Variants in HGSNAT observed in about 807,000 individuals in gnomAD.
HGSNAT encodes heparan-alpha-glucosaminide N-acetyltransferase, also known as transmembrane protein 76.
A neutral mutation model predicts 85.2 loss-of-function variants in HGSNAT; 59 were observed. That is an observed-to-expected ratio of 0.69 (90% CI 0.56 to 0.86). HGSNAT has a LOEUF of 0.86. Among genes scored for constraint, HGSNAT ranks in the 40% least tolerant of loss-of-function variants. The pLI, the probability that HGSNAT is intolerant of heterozygous loss-of-function variation, is 0.00. For missense variants in HGSNAT, 756 were observed against 777.1 expected, an observed-to-expected ratio of 0.97 and a Z score of 0.32; for synonymous variants, 321 against 304.5, an observed-to-expected ratio of 1.05 and a Z score of -0.56.
At chr8:43,197,974 A>G in intron 17 of HGSNAT, 22 bp downstream of exon 17, 2 of 1,542,816 alleles carry the variant, frequency 1.3e-6, no homozygotes, top group East Asian at 4.5e-5. Context: ...CCAACCTCAA[A>G]CAGAGCTGGG....
intron 5 of HGSNAT, chr8:43,167,814 C>T (rs1434083293): frequency 5.2e-6 from 1 of 191,742 alleles, no homozygotes; most frequent in African/African-American, 2.4e-5. Flanking sequence ...CAAAAGATTT[C>T]TTCCCAGGTA....
chr8:43,168,541 C>T lies in HGSNAT; in HGVS notation c.564-632C>T, dbSNP rs148538450. 4.4e-3 allele frequency among the ~76,000 whole-genome samples: 668 copies of T among 151,740 alleles called. 8 individuals are homozygous for T. Among genetic ancestry groups the T allele is most frequent in the African/African-American group, 0.015 (636 of 41,386 alleles). On this transcript the variant is annotated intron_variant, in intron 5 of 17. Transcript: ENST00000379644. Reference sequence around the variant, plus strand: ...CCTCCTGAGTAGCTGGGATTACAGGCGTGTACCACCACATCTGGCTAATTT... The same window carrying T: ...CCTCCTGAGTAGCTGGGATTACAGGTGTGTACCACCACATCTGGCTAATTT...
intron 14 of HGSNAT, among the ~76,000 whole-genome samples, chr8:43,194,946 A>C (rs1438387046): frequency 6.6e-6 from 1 of 152,122 alleles, no homozygotes; most frequent in Non-Finnish European, 1.5e-5. Flanking sequence ...GAGAAATAAA[A>C]TTCTGTTTTT....
chr8:43,199,422 G>T lies in HGSNAT; in HGVS notation c.1761G>T (p.Glu587Asp). The change falls in exon 18 of 18, where the codon GAG (glutamate) becomes GAT (aspartate). Residue 587 changes from glutamate (E) to aspartate (D), a missense_variant. Coordinates refer to ENST00000379644, the MANE Select transcript of HGSNAT (RefSeq NM_152419.3). ...CCATTCTGGTATATGTCGGCCACGAGGTGTTTGAGAACTACTTCCCCTTTC... is the reference window on the plus strand; with the variant it reads ...CCATTCTGGTATATGTCGGCCACGATGTGTTTGAGAACTACTTCCCCTTTC... ...MNSILVYVGH[E>D]VFENYFPFQW... 6.2e-7 allele frequency: 1 copy of T among 1,608,156 alleles called. No individual in the cohort carries two copies. The highest frequency in any genetic ancestry group is 8.5e-7 in the Non-Finnish European group (1 of 1,177,086).
intron 12 of HGSNAT, 90 bp from the exon 13 acceptor site, chr8:43,192,214 C>T (rs1804557770): frequency 7.0e-7 from 1 of 1,430,038 alleles, no homozygotes; most frequent in African/African-American, 1.4e-5. Flanking sequence ...AGGCGTGAGC[C>T]ACCGTGCCCG....
intron 5 of HGSNAT, among the ~76,000 whole-genome samples, chr8:43,164,350 G>A (rs1012228555): frequency 4.6e-5 from 7 of 152,130 alleles, no homozygotes; most frequent in South Asian, 2.1e-4. Context: ...TTGAAGGTTC[G>A]TGGCAACCCT....
chr8:43,140,727 GC>G, intron 1 of HGSNAT, 113 bp downstream of exon 1: 1 of 367,552 alleles, frequency 2.7e-6, no homozygotes, highest in South Asian at 9.2e-5. Context: ...GGCCGGAACC[GC>G]CCCCGTGGCC....
chr8:43,195,655 T>TGGAGGAGGAGGAGGGAATAGA (rs144111342), intron 14 of HGSNAT, among the ~76,000 whole-genome samples: 1 of 67,560 alleles, frequency 1.5e-5, no homozygotes, highest in Non-Finnish European at 2.7e-5. Context: ...GAGGAGGGGC[T>TGGAGGAGGAGGAGGGAATAGA]GGAGGAGGAG....
chr8:43,152,596 G>A lies in HGSNAT; in HGVS notation c.234+5533G>A, dbSNP rs563761678. 5.9e-5 allele frequency among the ~76,000 whole-genome samples: 9 copies of A among 152,152 alleles called. No homozygotes were observed. In the South Asian group the frequency reaches 1.5e-3, roughly 25 times the overall value. On this transcript the variant is annotated intron_variant, in intron 2 of 17. Coordinates refer to ENST00000379644, the MANE Select transcript of HGSNAT (RefSeq NM_152419.3). ...CTCTCAAGTAGCTAGGACTATAGGC[G>A]TGGACCATGACACCCAGCTAATTTT...
chr8:43,178,128 A>G lies in HGSNAT; in HGVS notation c.906A>G (p.Gln302=). The G allele has an allele frequency of 5.6e-6, 9 of 1,609,048 alleles. No individual in the cohort carries two copies. Among genetic ancestry groups the G allele is most frequent in the Non-Finnish European group, 7.6e-6 (9 of 1,178,194 alleles). The change falls in exon 10 of 18, where the codon CAA becomes CAG. Residue 302 remains glutamine (Q), a synonymous_variant. Coordinates refer to ENST00000379644, the MANE Select transcript of HGSNAT (RefSeq NM_152419.3). ...TTCTATCGATGACTTCTATACTGCAACGGGGGTGTTCAAAATTCAGATTGC... is the reference window on the plus strand; with the variant it reads ...TTCTATCGATGACTTCTATACTGCAGCGGGGGTGTTCAAAATTCAGATTGC... The part of the protein sequence containing the change: ...SIFLSMTSIL[Q]RGCSKFRLLG...
chr8:43,180,570 G>T, intron 10 of HGSNAT: 1 of 127,644 alleles, frequency 7.8e-6, no homozygotes. Context: ...TCGCTTCCCA[G>T]ATGGGATGGC....
chr8:43,145,184 G>A (rs887164102), intron 1 of HGSNAT, among the ~76,000 whole-genome samples: 1 of 152,142 alleles, frequency 6.6e-6, no homozygotes, highest in Non-Finnish European at 1.5e-5. Flanking sequence ...AACAACTTCC[G>A]AACTTCTAGA....
intron 6 of HGSNAT, 83 bp downstream of exon 6, chr8:43,169,325 C>A: frequency 2.2e-6 from 2 of 912,898 alleles, no homozygotes; most frequent in Non-Finnish European, 1.7e-6. Context: ...CATTATTGTC[C>A]AGTTTTATGT....
chr8:43,172,751 T>C (rs921397913), intron 8 of HGSNAT, among the ~76,000 whole-genome samples: 11 of 152,260 alleles, frequency 7.2e-5, no homozygotes, highest in Admixed American at 6.5e-4. Flanking sequence ...CTCTGTCTTC[T>C]AGGACTTATG....
chr8:43,150,897 C>CTA (rs202132885), intron 2 of HGSNAT, among the ~76,000 whole-genome samples: 11 of 150,360 alleles, frequency 7.3e-5, no homozygotes, highest in Admixed American at 3.3e-4. Flanking sequence ...AAGAGAAGAG[C>CTA]TATATATATA....
chr8:43,165,041 AT>A (rs1803389721), intron 5 of HGSNAT, among the ~76,000 whole-genome samples: 1 of 126,418 alleles, frequency 7.9e-6, no homozygotes, highest in African/African-American at 2.9e-5. Flanking sequence ...TGCCACCATG[AT>A]AATTTTTTTT....
At chr8:43,165,881 A>C (rs567152439) in intron 5 of HGSNAT, among the ~76,000 whole-genome samples, 1 of 152,334 alleles carries the variant, frequency 6.6e-6, no homozygotes, top group East Asian at 1.9e-4. Context: ...AGTTGCAGTG[A>C]GCTGAGATTG....
rs769399813 is a variant in HGSNAT, at chr8:43,146,997, A to G, written c.168A>G (p.Leu56=). 3.1e-6 allele frequency: 5 copies of G among 1,609,362 alleles called. No homozygotes were observed. The Admixed American group carries it at 8.4e-5, about 27-fold the overall frequency. The change falls in exon 2 of 18, where the codon CTA becomes CTG. Residue 56 remains leucine, a synonymous_variant. Coordinates refer to ENST00000379644, the MANE Select transcript of HGSNAT (RefSeq NM_152419.3). ...AGCTGAAGATGGATCAGGCTTTGCT[A>G]CTCATCCATAATGAACTTCTCTGGA... The part of the protein sequence containing the change: ...HAELKMDQAL[L]LIHNELLWTN...
intron 1 of HGSNAT, among the ~76,000 whole-genome samples, chr8:43,146,037 T>C (rs1261019357): frequency 6.6e-6 from 1 of 152,174 alleles, no homozygotes; most frequent in Non-Finnish European, 1.5e-5. Flanking sequence ...TTCACTTTAT[T>C]TTTCCTACCA....
Sources: gnomAD v4.1 joint callset for allele counts (sites outside exome capture counted in the v4.1 genomes callset) on GRCh38, gnomAD v4.1.1 for gene constraint, MANE v1.5 for transcripts, NCBI Gene and HGNC (gene_info 2026-07-23, HGNC 2026-07-21) for gene names.